ZHX2: variants seen among roughly 807,000 people sequenced by gnomAD.
ZHX2 encodes zinc fingers and homeoboxes protein 2.
ZHX2 carries 6 observed loss-of-function variants against 21.9 expected under a neutral mutation model. The ratio of observed to expected loss-of-function variants is 0.27; its 90% confidence interval spans 0.15 to 0.54. The LOEUF (loss-of-function observed/expected upper bound fraction) is 0.54, where lower values mean the gene tolerates loss of function less well. Ranked by LOEUF, ZHX2 falls within the 20% of genes least tolerant of loss-of-function variation. The pLI is 0.95. For synonymous variants in ZHX2, 434 were observed against 437.1 expected, an observed-to-expected ratio of 0.99 and a Z score of 0.09; for missense variants, 908 against 1,090.7, an observed-to-expected ratio of 0.83 and a Z score of 2.36.
At chr8:122,931,209 C>T (rs1820983350) in intron 2 of ZHX2, among the ~76,000 whole-genome samples, 1 of 152,186 alleles carries the variant, frequency 6.6e-6, no homozygotes, top group African/African-American at 2.4e-5. Flanking sequence ...TGTTAGGACA[C>T]AGTCGTGCAT....
intron 1 of ZHX2, among the ~76,000 whole-genome samples, chr8:122,848,308 T>C (rs1435292622): frequency 6.6e-6 from 1 of 152,092 alleles, no homozygotes; most frequent in East Asian, 1.9e-4. Context: ...CTCTTTTCAG[T>C]TGTCACTGAA....
At chr8:122,872,047 T>C (rs147816024) in intron 2 of ZHX2, among the ~76,000 whole-genome samples, 1 of 152,332 alleles carries the variant, frequency 6.6e-6, no homozygotes, top group African/African-American at 2.4e-5. Context: ...CCTGCAGTCC[T>C]GCTGTCCTAT....
chr8:122,932,901 G>A (rs1444345534), intron 2 of ZHX2, among the ~76,000 whole-genome samples: 1 of 152,164 alleles, frequency 6.6e-6, no homozygotes, highest in Non-Finnish European at 1.5e-5. Flanking sequence ...GGTGTGGTTT[G>A]AATCTGAGTG....
intron 2 of ZHX2, among the ~76,000 whole-genome samples, chr8:122,924,156 C>G (rs1487857646): frequency 6.6e-6 from 1 of 152,202 alleles, no homozygotes; most frequent in Admixed American, 6.5e-5. Context: ...TCATTGTCTT[C>G]TAGTTCTGGA....
chr8:122,895,581 T>TGCTACCTA (rs1273868442), intron 2 of ZHX2, among the ~76,000 whole-genome samples: 1 of 152,190 alleles, frequency 6.6e-6, no homozygotes, highest in African/African-American at 2.4e-5. Flanking sequence ...TTCTTCTCAC[T>TGCTACCTA]GCTACCTAGC....
chr8:122,919,137 C>T (rs1820676242), intron 2 of ZHX2, among the ~76,000 whole-genome samples: 2 of 152,156 alleles, frequency 1.3e-5, no homozygotes, highest in African/African-American at 2.4e-5. Flanking sequence ...CCAACCCCAC[C>T]ATCAGCACAG....
intron 1 of ZHX2, among the ~76,000 whole-genome samples, chr8:122,848,788 G>A (rs1012617994): frequency 2.0e-5 from 3 of 152,262 alleles, no homozygotes; most frequent in African/African-American, 7.2e-5. Flanking sequence ...GAGGCCGGCA[G>A]CGTGCCCTGC....
intron 2 of ZHX2, among the ~76,000 whole-genome samples, chr8:122,883,743 G>T (rs1819770249): frequency 6.6e-6 from 1 of 152,230 alleles, no homozygotes; most frequent in Non-Finnish European, 1.5e-5. Flanking sequence ...CCGTTTGTTG[G>T]TGGAACCAAA....
At chr8:122,954,855 T>C (rs537400931) in intron 3 of ZHX2, among the ~76,000 whole-genome samples, 1 of 152,232 alleles carries the variant, frequency 6.6e-6, no homozygotes, top group East Asian at 1.9e-4. Context: ...CTTTTTTTTT[T>C]TCCCCCCTTT....
chr8:122,934,286 A>T (rs974939534), intron 2 of ZHX2, among the ~76,000 whole-genome samples: 2 of 152,188 alleles, frequency 1.3e-5, no homozygotes, highest in African/African-American at 4.8e-5. Flanking sequence ...AAGCTAATGG[A>T]CTTACCCACT....
At chr8:122,864,870 G>A (rs988239948) in intron 2 of ZHX2, among the ~76,000 whole-genome samples, 3 of 152,186 alleles carry the variant, frequency 2.0e-5, no homozygotes, top group Non-Finnish European at 4.4e-5. Context: ...ATGAGCACAC[G>A]GGTTCCTTTG....
intron 1 of ZHX2, among the ~76,000 whole-genome samples, chr8:122,837,990 C>T (rs1463723943): frequency 1.3e-5 from 2 of 152,306 alleles, no homozygotes; most frequent in East Asian, 1.9e-4. Flanking sequence ...AGAGGCCACC[C>T]GCTTAGGGGA....
intron 2 of ZHX2, among the ~76,000 whole-genome samples, chr8:122,941,443 T>C (rs1294296600): frequency 6.6e-6 from 1 of 152,208 alleles, no homozygotes; most frequent in Non-Finnish European, 1.5e-5. Flanking sequence ...TCACCAACTC[T>C]GTTTCTGTGG....
At chr8:122,908,679 G>T (rs1025262340) in intron 2 of ZHX2, among the ~76,000 whole-genome samples, 2 of 152,104 alleles carry the variant, frequency 1.3e-5, no homozygotes, top group Non-Finnish European at 2.9e-5. Context: ...TGCCCACTCA[G>T]CATCCAGGCA....
intron 3 of ZHX2, among the ~76,000 whole-genome samples, chr8:122,963,587 C>G (rs1031000931): frequency 3.9e-5 from 6 of 152,090 alleles, no homozygotes; most frequent in Middle Eastern, 3.4e-3. Context: ...TTTGCTTAGT[C>G]TTGCTTTTGG....
chr8:122,886,518 C>T (rs1431473865), intron 2 of ZHX2, among the ~76,000 whole-genome samples: 1 of 152,046 alleles, frequency 6.6e-6, no homozygotes, highest in Admixed American at 6.6e-5. Flanking sequence ...TTGTAACAAA[C>T]GTACCCCACC....
chr8:122,893,788 A>G (rs1015455198), intron 2 of ZHX2, among the ~76,000 whole-genome samples: 16 of 152,100 alleles, frequency 1.1e-4, no homozygotes, highest in Non-Finnish European at 2.4e-4. Context: ...TAAGATCATT[A>G]TTTTGTATTT....
chr8:122,809,563 AG>A (rs1817885192), intron 1 of ZHX2, among the ~76,000 whole-genome samples: 1 of 152,206 alleles, frequency 6.6e-6, no homozygotes, highest in Admixed American at 6.5e-5. Context: ...CTAACCTCAC[AG>A]GGGAAAGAAA....
intron 1 of ZHX2, among the ~76,000 whole-genome samples, chr8:122,834,664 C>T (rs1382028357): frequency 6.6e-6 from 1 of 152,166 alleles, no homozygotes; most frequent in Admixed American, 6.5e-5. Flanking sequence ...GCTTCTGAAG[C>T]TTGTGCCGAA....
Sources: allele counts gnomAD v4.1 joint callset (sites outside exome capture counted in the v4.1 genomes callset), GRCh38; gene constraint gnomAD v4.1.1; transcripts MANE v1.5; gene names NCBI Gene and HGNC (gene_info 2026-07-23, HGNC 2026-07-21).